NHEJ1: variants seen among roughly 807,000 people sequenced by gnomAD.
NHEJ1 encodes non-homologous end-joining factor 1.
NHEJ1 carries 22 observed loss-of-function variants against 39.4 expected under a neutral mutation model. The ratio of observed to expected loss-of-function variants is 0.56; its 90% CI spans 0.40 to 0.80. NHEJ1 has a LOEUF of 0.80. Ranked by LOEUF, NHEJ1 falls within the 30% of genes least tolerant of loss-of-function variation. NHEJ1 has a pLI of 0.00. For synonymous variants in NHEJ1, 154 were observed against 135.6 expected (o/e 1.14, Z -0.94); for missense variants, 329 against 357.1 (o/e 0.92, Z 0.63).
At chr2:219,148,175 T>C (rs139269335) in intron 3 of NHEJ1, among the ~76,000 whole-genome samples, 83 of 152,208 alleles carry the variant, frequency 5.5e-4, no homozygotes, top group African/African-American at 2.0e-3. Flanking sequence ...ACAAGAATTG[T>C]TTGAACCCAG....
At chr2:219,145,700 G>A (rs1369016713) in intron 5 of NHEJ1, among the ~76,000 whole-genome samples, 2 of 152,096 alleles carry the variant, frequency 1.3e-5, no homozygotes, top group Non-Finnish European at 2.9e-5. Context: ...TTGGGAGGCC[G>A]AGGTGGGTGG....
intron 5 of NHEJ1, among the ~76,000 whole-genome samples, chr2:219,125,909 A>T (rs1427516683): frequency 6.6e-6 from 1 of 152,230 alleles, no homozygotes; most frequent in East Asian, 1.9e-4. Context: ...GCCAGCAAGT[A>T]TCCCCCCAGT....
intron 5 of NHEJ1, among the ~76,000 whole-genome samples, chr2:219,103,854 T>C (rs7586856): frequency 0.13 from 19,965 of 152,100 alleles, 1,503 homozygotes; most frequent in African/African-American, 0.22. Context: ...GACTCTGGAG[T>C]CCCCATTTAG....
intron 3 of NHEJ1, among the ~76,000 whole-genome samples, chr2:219,154,580 C>G (rs1184547334): frequency 6.6e-6 from 1 of 152,144 alleles, no homozygotes; most frequent in Non-Finnish European, 1.5e-5. Context: ...TAGTATCCAC[C>G]TACATCCTTA....
At chr2:219,145,606 A>G (rs1949731465) in intron 5 of NHEJ1, among the ~76,000 whole-genome samples, 1 of 152,236 alleles carries the variant, frequency 6.6e-6, no homozygotes, top group South Asian at 2.1e-4. Context: ...CTTACATGAT[A>G]AAGTACCAAC....
At chr2:219,088,997 T>G (rs1949136747) in intron 5 of NHEJ1, among the ~76,000 whole-genome samples, 1 of 152,130 alleles carries the variant, frequency 6.6e-6, no homozygotes, top group African/African-American at 2.4e-5. Flanking sequence ...TTTTTGTATT[T>G]TTTAGTAGAG....
chr2:219,133,414 A>G (rs962941952), intron 5 of NHEJ1, among the ~76,000 whole-genome samples: 1 of 152,262 alleles, frequency 6.6e-6, no homozygotes, highest in Non-Finnish European at 1.5e-5. Context: ...CACGACCTTT[A>G]AAAAGGCTAC....
chr2:219,134,973 G>C (rs2106353325), intron 5 of NHEJ1, among the ~76,000 whole-genome samples: 1 of 148,442 alleles, frequency 6.7e-6, no homozygotes, highest in East Asian at 2.0e-4. Flanking sequence ...CCAGAAGGCG[G>C]AGGTTGCAGT....
chr2:219,147,997 G>A (rs951620360), intron 3 of NHEJ1, among the ~76,000 whole-genome samples: 2 of 152,186 alleles, frequency 1.3e-5, no homozygotes, highest in African/African-American at 2.4e-5. Flanking sequence ...AGTGGCTAAC[G>A]TCTGTAATCC....
intron 5 of NHEJ1, among the ~76,000 whole-genome samples, chr2:219,139,651 T>C (rs1949671055): frequency 6.6e-6 from 1 of 152,058 alleles, no homozygotes; most frequent in African/African-American, 2.4e-5. Context: ...ATAATAAATG[T>C]GTTTTTGGTT....
intron 5 of NHEJ1, among the ~76,000 whole-genome samples, chr2:219,136,008 C>T (rs1949624350): frequency 6.6e-6 from 1 of 152,184 alleles, no homozygotes; most frequent in Admixed American, 6.5e-5. Context: ...CAGGGACATG[C>T]ATGATTTCGT....
At chr2:219,146,889 G>C (rs147107532) in intron 4 of NHEJ1, 151 bp from the exon 5 acceptor site, 1 of 669,468 alleles carries the variant, frequency 1.5e-6, no homozygotes, top group East Asian at 2.7e-5. Context: ...GAAGGGCTGA[G>C]AGCATGTGGG....
intron 4 of NHEJ1, among the ~76,000 whole-genome samples, chr2:219,147,174 C>T (rs779293610): frequency 6.6e-6 from 1 of 152,134 alleles, no homozygotes; most frequent in African/African-American, 2.4e-5. Context: ...GCCAGGTACT[C>T]GAGGCAGAGA....
intron 5 of NHEJ1, among the ~76,000 whole-genome samples, chr2:219,116,293 T>TA (rs1193178340): frequency 6.6e-6 from 1 of 152,190 alleles, no homozygotes; most frequent in African/African-American, 2.4e-5. Context: ...TTTCTTTTTT[T>TA]AATTAAAAAT....
At chr2:219,146,165 T>C (rs1045386456) in intron 5 of NHEJ1, among the ~76,000 whole-genome samples, 6 of 152,154 alleles carry the variant, frequency 3.9e-5, no homozygotes, top group African/African-American at 1.4e-4. Context: ...GCCACAATTA[T>C]CTACTCCCCA....
At chr2:219,116,726 C>A (rs1574721958) in intron 5 of NHEJ1, among the ~76,000 whole-genome samples, 2 of 152,070 alleles carry the variant, frequency 1.3e-5, no homozygotes, top group Admixed American at 1.3e-4. Context: ...TACATGAGAA[C>A]AAGCAGAAAG....
chr2:219,156,672 A>T (rs1206132139), intron 3 of NHEJ1, among the ~76,000 whole-genome samples: 1 of 152,232 alleles, frequency 6.6e-6, no homozygotes, highest in Non-Finnish European at 1.5e-5. Flanking sequence ...AGTTATTTTC[A>T]ATCTCAGTAT....
chr2:219,130,963 A>G (rs752267478), intron 5 of NHEJ1, among the ~76,000 whole-genome samples: 3 of 152,156 alleles, frequency 2.0e-5, no homozygotes, highest in Non-Finnish European at 4.4e-5. Context: ...ATGGTGGTAC[A>G]TGCCTATTGT....
At chr2:219,078,680 G>C (rs919567373) in intron 5 of NHEJ1, among the ~76,000 whole-genome samples, 1 of 152,190 alleles carries the variant, frequency 6.6e-6, no homozygotes, top group East Asian at 1.9e-4. Flanking sequence ...GTGATGTTCA[G>C]GCAGAGGAGA....
Sources: allele counts gnomAD v4.1 joint callset (sites outside exome capture counted in the v4.1 genomes callset), GRCh38; gene constraint gnomAD v4.1.1; transcripts MANE v1.5; gene names NCBI Gene and HGNC (gene_info 2026-07-23, HGNC 2026-07-21).